KIF5C: variants seen among roughly 807,000 people sequenced by gnomAD.
KIF5C encodes the protein kinesin heavy chain isoform 5C.
KIF5C carries 18 observed loss-of-function variants against 125.2 expected under a neutral mutation model. That is an observed-to-expected ratio of 0.14 (90% CI 0.10 to 0.21). The LOEUF is 0.21. KIF5C is among the 10% of genes least tolerant of loss of function. The probability of loss-of-function intolerance (pLI) is 1.00; values close to 1 mark genes in which losing one functional copy is unlikely to be tolerated. For missense variants in KIF5C, 780 were observed against 1,183.8 expected, an observed-to-expected ratio of 0.66 and a Z score of 5.01; for synonymous variants, 405 against 434.0, an observed-to-expected ratio of 0.93 and a Z score of 0.83.
rs1402890982 is a variant in KIF5C at position 148,994,511 on chromosome 2, G to A, written c.1996G>A (p.Glu666Lys). The A allele has an allele frequency of 6.4e-6, 10 of 1,568,302 alleles. No homozygotes were observed. Among genetic ancestry groups the A allele is most frequent in the Non-Finnish European group, 7.8e-6 (9 of 1,156,724 alleles). Residue 666 changes from glutamate to lysine, a missense_variant, in exon 17 of 26, where the codon GAA becomes AAA. Glu to Lys is a moderately conservative substitution (Grantham distance 56). Coordinates refer to ENST00000435030, the MANE Select transcript of KIF5C (RefSeq NM_004522.3). The part of the protein sequence containing the change: ...QLEESQDSLS[E>K]ELAKLRAQEK... ...AGAAGAGTCCCAGGACTCGCTCAGCGAAGAGCTGGCAAAGCTCCGAGCCCA... is the reference window on the plus strand; with the variant it reads ...AGAAGAGTCCCAGGACTCGCTCAGCAAAGAGCTGGCAAAGCTCCGAGCCCA...
intron 4 of KIF5C, 128 bp downstream of exon 4, chr2:148,937,516 G>T (rs1682315426): frequency 7.5e-7 from 1 of 1,332,414 alleles, no homozygotes. Context: ...GGTAAGCAGA[G>T]CCCTCTTTAT....
chr2:148,896,863 C>T (rs1439956166), intron 1 of KIF5C, among the ~76,000 whole-genome samples: 1 of 152,154 alleles, frequency 6.6e-6, no homozygotes, highest in Non-Finnish European at 1.5e-5. Context: ...TGGAGTCTCA[C>T]TCTGTCACCC....
Position 149,024,554 on chromosome 2 carries a change from G to C in KIF5C, c.*1484G>C, listed in dbSNP as rs892523598. The C allele has an allele frequency of 7.0e-6, 1 of 143,430 alleles. No individual in the cohort carries two copies. Among genetic ancestry groups the C allele is most frequent in the Non-Finnish European group, 1.5e-5 (1 of 66,516 alleles). 8.9% of individuals were successfully genotyped at this position (143,430 alleles called of 1,614,324 possible). ...TGTGTGTGTGTGTGTGTGTGTGTGT[G>C]TGTGTGTATGTGTGTAAAGTGCTAA... On this transcript the variant is annotated 3_prime_UTR_variant, in exon 26 of 26. Transcript: ENST00000435030.
At chr2:148,969,856 G>A (rs1378057570) in intron 11 of KIF5C, among the ~76,000 whole-genome samples, 1 of 152,148 alleles carries the variant, frequency 6.6e-6, no homozygotes, top group Non-Finnish European at 1.5e-5. Context: ...ACGTGTTTGT[G>A]AGCTGGACAG....
intron 1 of KIF5C, among the ~76,000 whole-genome samples, chr2:148,888,058 G>C (rs1427938720): frequency 6.6e-6 from 1 of 152,208 alleles, no homozygotes; most frequent in Non-Finnish European, 1.5e-5. Flanking sequence ...TTTGAGATGC[G>C]TTCGTAGTGG....
intron 2 of KIF5C, among the ~76,000 whole-genome samples, chr2:148,926,003 G>C (rs148640409): frequency 0.027 from 4,073 of 152,260 alleles, 209 homozygotes; most frequent in African/African-American, 0.093. Context: ...TTGGTGACTG[G>C]TGAGGATGGC....
chr2:148,919,477 T>C (rs554107989), intron 1 of KIF5C, among the ~76,000 whole-genome samples: 10 of 152,180 alleles, frequency 6.6e-5, no homozygotes, highest in Non-Finnish European at 1.2e-4. Context: ...CTAGAGCAAG[T>C]TGGGCCCAGT....
At chr2:148,927,485 G>GGTGTGTGTGT (rs368235008) in intron 2 of KIF5C, among the ~76,000 whole-genome samples, 24 of 149,706 alleles carry the variant, frequency 1.6e-4, no homozygotes, top group East Asian at 9.8e-4. Flanking sequence ...GCCCTTTCAG[G>GGTGTGTGTGT]GTGTGTGTGT....
At chr2:149,022,025 C>T (rs572384548) in intron 25 of KIF5C, among the ~76,000 whole-genome samples, 178 of 152,206 alleles carry the variant, frequency 1.2e-3, no homozygotes, top group Non-Finnish European at 1.9e-3. Flanking sequence ...CCTGGAGATG[C>T]GCCCAGCACC....
intron 10 of KIF5C, among the ~76,000 whole-genome samples, chr2:148,958,897 TCACTTGAACCC>T (rs1162671547): frequency 7.4e-5 from 11 of 148,100 alleles, no homozygotes; most frequent in African/African-American, 9.9e-5. Flanking sequence ...GGCAGGAGAA[TCACTTGAACCC>T]GGGAGGCAGA....
intron 1 of KIF5C, among the ~76,000 whole-genome samples, chr2:148,913,818 T>G (rs1329595256): frequency 2.0e-5 from 3 of 152,204 alleles, no homozygotes; most frequent in African/African-American, 7.2e-5. Context: ...GATCCTCCAT[T>G]CTACCTTCTG....
chr2:148,959,311 G>A (rs1301862830), intron 10 of KIF5C, among the ~76,000 whole-genome samples: 1 of 151,098 alleles, frequency 6.6e-6, no homozygotes, highest in African/African-American at 2.4e-5. Flanking sequence ...AAGTGATGAT[G>A]TTCAATCCTC....
At chr2:148,951,404 G>A (rs1682655240) in intron 10 of KIF5C, among the ~76,000 whole-genome samples, 1 of 152,156 alleles carries the variant, frequency 6.6e-6, no homozygotes, top group African/African-American at 2.4e-5. Flanking sequence ...TAAAGCAAGA[G>A]TTACATGTGT....
At chr2:148,897,139 A>G (rs1211330132) in intron 1 of KIF5C, among the ~76,000 whole-genome samples, 2 of 152,202 alleles carry the variant, frequency 1.3e-5, no homozygotes, top group East Asian at 3.9e-4. Flanking sequence ...GGCCAAGATC[A>G]TGATTCATTT....
At chr2:149,022,257 T>G (rs1024151175) in intron 25 of KIF5C, among the ~76,000 whole-genome samples, 2 of 152,190 alleles carry the variant, frequency 1.3e-5, no homozygotes, top group African/African-American at 4.8e-5. Flanking sequence ...TATGTTACTC[T>G]GAATATCCAT....
intron 1 of KIF5C, among the ~76,000 whole-genome samples, chr2:148,891,395 T>TA (rs1332278013): frequency 5.9e-5 from 9 of 152,094 alleles, no homozygotes; most frequent in Admixed American, 1.3e-4. Flanking sequence ...TCTTTTTTTT[T>TA]TTATTATTAT....
chr2:148,945,420 C>A (rs1330155703), intron 7 of KIF5C, among the ~76,000 whole-genome samples: 1 of 152,162 alleles, frequency 6.6e-6, no homozygotes, highest in African/African-American at 2.4e-5. Context: ...ATGGTCTTGA[C>A]ACTCTTGTTG....
chr2:148,926,562 G>A (rs929073590), intron 2 of KIF5C, among the ~76,000 whole-genome samples: 7 of 152,216 alleles, frequency 4.6e-5, no homozygotes, highest in African/African-American at 1.7e-4. Context: ...CCGCAGTGCG[G>A]AGCGCGGCCT....
chr2:149,000,699 T>C, intron 20 of KIF5C, 23 bp from the exon 21 acceptor site: 2 of 1,613,516 alleles, frequency 1.2e-6, no homozygotes, highest in Non-Finnish European at 1.7e-6. Flanking sequence ...TGTGGTGGTC[T>C]ATGGTTCCTT....
Sources: allele counts gnomAD v4.1 joint callset (sites outside exome capture counted in the v4.1 genomes callset), GRCh38; gene constraint gnomAD v4.1.1; transcripts MANE v1.5; gene names NCBI Gene and HGNC (gene_info 2026-07-23, HGNC 2026-07-21).